PHF21A: variants seen among roughly 807,000 people sequenced by gnomAD.
The protein encoded by PHF21A is PHD finger protein 21A, also known as BHC80a.
Under a neutral mutation model 82.5 loss-of-function variants are expected in PHF21A, and 11 were observed. That is an observed-to-expected ratio of 0.13 (90% CI 0.08 to 0.22). The LOEUF (loss-of-function observed/expected upper bound fraction) is 0.22, where lower values mean the gene tolerates loss of function less well. Ranked by LOEUF, PHF21A falls within the 10% of genes least tolerant of loss-of-function variation. PHF21A has a pLI of 1.00. For synonymous variants in PHF21A, 297 were observed against 302.8 expected (o/e 0.98, Z 0.20); for missense variants, 579 against 837.8 (o/e 0.69, Z 3.81).
At chr11:46,011,094 CTT>C (rs1374316307) in intron 6 of PHF21A, among the ~76,000 whole-genome samples, 1 of 152,170 alleles carries the variant, frequency 6.6e-6, no homozygotes, top group Non-Finnish European at 1.5e-5. Context: ...TTACTGGACT[CTT>C]TGATCTTGCC....
chr11:46,036,252 G>C (rs2096001487), intron 6 of PHF21A, among the ~76,000 whole-genome samples: 1 of 152,172 alleles, frequency 6.6e-6, no homozygotes, highest in Non-Finnish European at 1.5e-5. Context: ...ACAGTCATAA[G>C]TAACATAACT....
intron 5 of PHF21A, among the ~76,000 whole-genome samples, chr11:46,078,185 G>A (rs2096749962): frequency 6.6e-6 from 1 of 152,170 alleles, no homozygotes; most frequent in Non-Finnish European, 1.5e-5. Flanking sequence ...AATAAGTACG[G>A]GCTACCAATG....
intron 8 of PHF21A, 125 bp downstream of exon 8, chr11:45,970,991 A>C: frequency 8.5e-7 from 1 of 1,179,580 alleles, no homozygotes; most frequent in Non-Finnish European, 1.2e-6. Context: ...CCAAAGGGGA[A>C]TTTGGTATGC....
At chr11:45,942,625 A>C (rs1286127196) in intron 15 of PHF21A, among the ~76,000 whole-genome samples, 1 of 152,194 alleles carries the variant, frequency 6.6e-6, no homozygotes, top group Non-Finnish European at 1.5e-5. Context: ...GAGAATGATG[A>C]ATCTGTAACC....
intron 15 of PHF21A, among the ~76,000 whole-genome samples, chr11:45,942,470 C>T (rs1427271619): frequency 6.6e-6 from 1 of 152,178 alleles, no homozygotes; most frequent in Non-Finnish European, 1.5e-5. Context: ...AATACTTCAA[C>T]TGAGAAAAAG....
chr11:46,021,142 C>G (rs1165163047), intron 6 of PHF21A, among the ~76,000 whole-genome samples: 1 of 151,652 alleles, frequency 6.6e-6, no homozygotes, highest in Non-Finnish European at 1.5e-5. Context: ...TCACTGCAGC[C>G]TTGACCTTCT....
rs183093713 is a variant in PHF21A at position 46,054,198 on chromosome 11, C to T, written c.153+22556G>A. On this transcript the variant is annotated intron_variant, in intron 6 of 18. Transcript: ENST00000676320. ...ATAGTCAGAGAAGAATTTCAACCAA[C>T]TCATTTAAAAAAATTTTTTTCTAAA... 4.5e-3 allele frequency among the ~76,000 whole-genome samples: 685 copies of T among 152,220 alleles called. 9 individuals carry two copies. The highest frequency in any genetic ancestry group is 0.016 in the African/African-American group (655 of 41,548).
chr11:46,109,014 C>T (rs755996940), intron 1 of PHF21A, among the ~76,000 whole-genome samples: 1 of 152,206 alleles, frequency 6.6e-6, no homozygotes, highest in Non-Finnish European at 1.5e-5. Context: ...CCTAACCCAA[C>T]CAAAATCAAC....
In PHF21A at chr11:45,992,183, C is replaced by T. The variant is rs186121322; in HGVS notation, c.154-12217G>A. Among the ~76,000 whole-genome samples the T allele has an allele frequency of 1.8e-4, 28 of 152,096 alleles. 1 individual carries two copies. Among genetic ancestry groups the T allele is most frequent in the Middle Eastern group, 3.4e-3 (1 of 294 alleles). On this transcript the variant is annotated intron_variant, in intron 6 of 18. Transcript: ENST00000676320. Reference sequence around the variant, plus strand: ...GGGCCACCAGTTTTCAACCCTCAGACGGTAATTACACTCACTGAACTGTAA... The same window carrying T: ...GGGCCACCAGTTTTCAACCCTCAGATGGTAATTACACTCACTGAACTGTAA...
chr11:45,943,533 C>T (rs746029081), intron 15 of PHF21A, among the ~76,000 whole-genome samples: 11 of 152,178 alleles, frequency 7.2e-5, no homozygotes, highest in Admixed American at 7.2e-4. Flanking sequence ...GGTCTTCCTG[C>T]TTCCATCCTA....
intron 6 of PHF21A, among the ~76,000 whole-genome samples, chr11:46,001,831 G>A (rs974457277): frequency 1.3e-5 from 2 of 152,184 alleles, no homozygotes; most frequent in South Asian, 4.1e-4. Context: ...CTAGAGGGAA[G>A]AGGATGGAGG....
intron 17 of PHF21A, among the ~76,000 whole-genome samples, chr11:45,935,993 A>G (rs2088904135): frequency 6.6e-6 from 1 of 152,126 alleles, no homozygotes; most frequent in Non-Finnish European, 1.5e-5. Flanking sequence ...AAGAAGTGCT[A>G]CAGTCCAGGC....
intron 10 of PHF21A, among the ~76,000 whole-genome samples, chr11:45,957,751 C>CAAAAAAAAAAAAAAAAAAA: frequency 2.1e-4 from 13 of 60,878 alleles, no homozygotes; most frequent in African/African-American, 3.6e-4. Flanking sequence ...AAATTCAAAG[C>CAAAAAAAAAAAAAAAAAAA]AAAAAAAAAA....
At chr11:45,952,521 T>C (rs372929348) in intron 11 of PHF21A, among the ~76,000 whole-genome samples, 1 of 152,244 alleles carries the variant, frequency 6.6e-6, no homozygotes, top group South Asian at 2.1e-4. Context: ...AGCATAATAC[T>C]TGTCATTAAT....
intron 3 of PHF21A, among the ~76,000 whole-genome samples, chr11:46,084,550 T>C (rs2096832972): frequency 6.6e-6 from 1 of 152,162 alleles, no homozygotes; most frequent in African/African-American, 2.4e-5. Flanking sequence ...ACCCACTACA[T>C]GCTCAGCACT....
chr11:45,966,331 T>C (rs2093431984), intron 9 of PHF21A, among the ~76,000 whole-genome samples: 1 of 152,192 alleles, frequency 6.6e-6, no homozygotes, highest in Non-Finnish European at 1.5e-5. Flanking sequence ...CTCCGATAAT[T>C]GCCTCAGTAA....
intron 6 of PHF21A, among the ~76,000 whole-genome samples, chr11:46,015,658 AT>A (rs1170359044): frequency 2.6e-5 from 4 of 152,094 alleles, no homozygotes; most frequent in Non-Finnish European, 5.9e-5. Context: ...AAATATTTAA[AT>A]TTTTTGTAAC....
At chr11:45,974,228 C>A (rs374564197) in intron 7 of PHF21A, among the ~76,000 whole-genome samples, 44 of 152,206 alleles carry the variant, frequency 2.9e-4, no homozygotes, top group African/African-American at 1.0e-3. Flanking sequence ...CACCAAGACC[C>A]AGGTAGTGCT....
chr11:45,946,515 C>G (rs1240057406), intron 14 of PHF21A, among the ~76,000 whole-genome samples: 1 of 152,174 alleles, frequency 6.6e-6, no homozygotes, highest in African/African-American at 2.4e-5. Flanking sequence ...TCCCACGTAG[C>G]TGGGACAACA....
Sources: gnomAD v4.1 joint callset for allele counts (sites outside exome capture counted in the v4.1 genomes callset) on GRCh38, gnomAD v4.1.1 for gene constraint, MANE v1.5 for transcripts, NCBI Gene and HGNC (gene_info 2026-07-23, HGNC 2026-07-21) for gene names.